The following IRGM variants were observed in gnomAD, a reference collection of about 807,000 sequenced individuals.
The protein encoded by IRGM is immunity-related GTPase family M protein.
For missense variants in IRGM, 288 were observed against 219.9 expected, an observed-to-expected ratio of 1.31 and a Z score of -1.96; for synonymous variants, 98 against 80.6, an observed-to-expected ratio of 1.22 and a Z score of -1.16.
At chr5:150,895,672 A>C (rs750554027) in intron 3 of IRGM, 1 of 1,613,422 alleles carries the variant, frequency 6.2e-7, no homozygotes, top group South Asian at 1.1e-5. Flanking sequence ...CATTCAGTAC[A>C]TATATAAGGT....
intron 3 of IRGM, chr5:150,898,613 T>A: frequency 6.6e-7 from 1 of 1,507,334 alleles, no homozygotes; most frequent in South Asian, 1.3e-5. Flanking sequence ...TCTGCTATAA[T>A]GTGCACAACT....
intron 1 of IRGM, among the ~76,000 whole-genome samples, chr5:150,859,259 G>A (rs1446444355): frequency 6.6e-6 from 1 of 152,178 alleles, no homozygotes; most frequent in Non-Finnish European, 1.5e-5. Context: ...AACCAGCCTT[G>A]CATCCCAGGG....
chr5:150,878,663 T>C (rs1460702243), intron 2 of IRGM, among the ~76,000 whole-genome samples: 1 of 152,174 alleles, frequency 6.6e-6, no homozygotes, highest in Non-Finnish European at 1.5e-5. Context: ...TTCCCAATTC[T>C]GAATACATCT....
chr5:150,847,209 C>T lies in IRGM; in HGVS notation c.-427C>T, dbSNP rs1753880506. ...AGTACTGCTCTGCACGTGTGCTCCC[C>T]CGCCTGATGAGGTAAGTGTTAAACA... On this transcript the variant is annotated 5_prime_UTR_variant, in exon 1 of 2. Transcript: ENST00000522154. The T allele has an allele frequency of 6.6e-6, 1 of 152,356 alleles. No individual in the cohort carries two copies. The highest frequency in any genetic ancestry group is 1.5e-5 in the Non-Finnish European group (1 of 68,058). The allele number at this position is 152,356 out of a possible 1,614,324, so 9.4% of individuals were successfully genotyped here.
chr5:150,878,487 C>T (rs1754398548), intron 2 of IRGM, among the ~76,000 whole-genome samples: 1 of 152,124 alleles, frequency 6.6e-6, no homozygotes, highest in East Asian at 1.9e-4. Context: ...GCTCCTCCTC[C>T]TCTCTCCTCA....
intron 1 of IRGM, among the ~76,000 whole-genome samples, chr5:150,875,760 C>A (rs7728748): frequency 0.032 from 4,841 of 152,254 alleles, 246 homozygotes; most frequent in African/African-American, 0.11. Context: ...GCTGAGTGCC[C>A]AATTTGCCAG....
intron 1 of IRGM, among the ~76,000 whole-genome samples, chr5:150,870,806 G>A (rs1277463): frequency 0.067 from 10,148 of 152,062 alleles, 450 homozygotes; most frequent in Non-Finnish European, 0.11. Context: ...TAAGTTACGC[G>A]ATCATTTGTT....
rs191420800 is a variant in IRGM, at chr5:150,870,935, C to T, written c.159-7045C>T. On this transcript the variant is annotated intron_variant and NMD_transcript_variant, in intron 1 of 3. Coordinates refer to the IRGM transcript ENST00000520549. ...TCTTGATCGAATCTGAAGGAAAGCT[C>T]CAAATTATGAGGAATGAGGTCTCTG... 9.5e-4 allele frequency among the ~76,000 whole-genome samples: 144 copies of T among 151,364 alleles called. 1 individual carries two copies. The highest frequency in any genetic ancestry group is 3.3e-3 in the African/African-American group (138 of 41,206).
At chr5:150,886,465 G>A (rs1199345108) in intron 3 of IRGM, among the ~76,000 whole-genome samples, 1 of 152,022 alleles carries the variant, frequency 6.6e-6, no homozygotes, top group Non-Finnish European at 1.5e-5. Context: ...AATAGTTTCA[G>A]TAGGAATGGT....
intron 1 of IRGM, among the ~76,000 whole-genome samples, chr5:150,872,056 A>AT (rs1284510087): frequency 1.3e-5 from 2 of 152,118 alleles, no homozygotes; most frequent in Admixed American, 1.3e-4. Flanking sequence ...TTGCTATTTG[A>AT]TTTTCACCTG....
chr5:150,872,606 A>G lies in IRGM; in HGVS notation c.159-5374A>G, dbSNP rs144262004. ...ATTAAAGGTGTGGGATAATGTTGGA[A>G]GAAACATAGAGGTTGATCAGGCTGA... is the stretch of plus-strand genomic sequence containing the variant. On this transcript the variant is annotated intron_variant and NMD_transcript_variant, in intron 1 of 3. Transcript: ENST00000520549. Among the ~76,000 whole-genome samples the G allele has an allele frequency of 7.2e-3, 1,092 of 152,330 alleles. 13 individuals carry two copies. The highest frequency in any genetic ancestry group is 0.025 in the African/African-American group (1,023 of 41,574).
intron 3 of IRGM, chr5:150,895,327 T>C: frequency 1.1e-6 from 1 of 907,636 alleles, no homozygotes; most frequent in Non-Finnish European, 1.6e-6. Context: ...AAAATTTTTA[T>C]CTATTGGGAT....
intron 3 of IRGM, chr5:150,897,979 A>G: frequency 6.6e-7 from 1 of 1,504,984 alleles, no homozygotes; most frequent in African/African-American, 1.4e-5. Context: ...ATAGAAGCAA[A>G]GAATAGGAGA....
downstream of IRGM, among the ~76,000 whole-genome samples, chr5:150,850,859 CAGG>C (rs1297316659): frequency 6.6e-6 from 1 of 152,222 alleles, no homozygotes; most frequent in Admixed American, 6.5e-5. Flanking sequence ...CTCCCAGGCC[CAGG>C]AGGACTGCGA....
intron 1 of IRGM, among the ~76,000 whole-genome samples, chr5:150,858,049 A>C (rs1212472557): frequency 6.6e-6 from 1 of 152,118 alleles, no homozygotes; most frequent in African/African-American, 2.4e-5. Context: ...TAGGGTTTTT[A>C]TGGTTTTAGG....
chr5:150,878,696 T>C (rs1370363503), intron 2 of IRGM, among the ~76,000 whole-genome samples: 15 of 152,064 alleles, frequency 9.9e-5, no homozygotes, highest in African/African-American at 3.4e-4. Context: ...CAAATATGTA[T>C]ATTTATTACT....
At chr5:150,860,404 G>C (rs187449748) in intron 1 of IRGM, among the ~76,000 whole-genome samples, 9 of 152,156 alleles carry the variant, frequency 5.9e-5, no homozygotes, top group Non-Finnish European at 1.2e-4. Context: ...AAACCTGTGG[G>C]TGTTTTCTTG....
downstream of IRGM, among the ~76,000 whole-genome samples, chr5:150,849,515 G>C (rs1753941318): frequency 6.6e-6 from 1 of 151,534 alleles, no homozygotes; most frequent in Non-Finnish European, 1.5e-5. Context: ...AGTGTTATTG[G>C]ACTAAATGTT....
At chr5:150,890,398 C>CTCTG (rs139999293) in intron 3 of IRGM, among the ~76,000 whole-genome samples, 31,966 of 151,622 alleles carry the variant, frequency 0.21, 5,465 homozygotes, top group African/African-American at 0.46. Flanking sequence ...ATTGTGTCCT[C>CTCTG]TCTTTTTTCC....
Sources: gnomAD v4.1 joint callset for allele counts (sites outside exome capture counted in the v4.1 genomes callset) on GRCh38, gnomAD v4.1.1 for gene constraint, MANE v1.5 for transcripts, NCBI Gene and HGNC (gene_info 2026-07-23, HGNC 2026-07-21) for gene names.